The following CNTNAP5 variants were observed in gnomAD, a reference collection of about 807,000 sequenced individuals.
CNTNAP5 encodes the protein contactin associated protein family member 5, also known as contactin-associated protein-like 5.
In CNTNAP5, 72 loss-of-function variants were observed where a neutral mutation model predicts 150.2. That is an observed-to-expected ratio of 0.48 (90% CI 0.40 to 0.58). The LOEUF (loss-of-function observed/expected upper bound fraction) is 0.58, where lower values mean the gene tolerates loss of function less well. Ranked by LOEUF, CNTNAP5 falls within the 20% of genes least tolerant of loss-of-function variation. The pLI is 0.00. For missense variants in CNTNAP5, 1,636 were observed against 1,626.2 expected (o/e 1.01, Z -0.10); for synonymous variants, 672 against 619.8 (o/e 1.08, Z -1.25).
At chr2:124,499,506 C>A (rs938043221) in intron 7 of CNTNAP5, among the ~76,000 whole-genome samples, 1 of 152,144 alleles carries the variant, frequency 6.6e-6, no homozygotes, top group African/African-American at 2.4e-5. Context: ...GGAAGGAAGG[C>A]ACAACGTATG....
intron 7 of CNTNAP5, among the ~76,000 whole-genome samples, chr2:124,497,789 G>C (rs75205808): frequency 1.3e-5 from 2 of 152,308 alleles, no homozygotes; most frequent in Non-Finnish European, 2.9e-5. Flanking sequence ...ATACATTTCA[G>C]TCTATTCTTT....
intron 10 of CNTNAP5, among the ~76,000 whole-genome samples, chr2:124,529,897 T>A (rs1439150690): frequency 6.6e-6 from 1 of 152,162 alleles, no homozygotes; most frequent in Non-Finnish European, 1.5e-5. Context: ...TTTTTCTCTC[T>A]CAAAGTGAAG....
chr2:124,094,088 C>T (rs565653079), intron 1 of CNTNAP5, among the ~76,000 whole-genome samples: 44 of 152,194 alleles, frequency 2.9e-4, no homozygotes, highest in Non-Finnish European at 5.4e-4. Flanking sequence ...GCCTAATGAA[C>T]TGAAAGTGCT....
intron 7 of CNTNAP5, among the ~76,000 whole-genome samples, chr2:124,477,370 C>A (rs1693665929): frequency 6.6e-6 from 1 of 151,948 alleles, no homozygotes; most frequent in Non-Finnish European, 1.5e-5. Context: ...TTGAAAATTG[C>A]CATTGGATTC....
chr2:124,619,973 G>A (rs1573501592), intron 12 of CNTNAP5, among the ~76,000 whole-genome samples: 1 of 142,462 alleles, frequency 7.0e-6, no homozygotes, highest in African/African-American at 2.7e-5. Flanking sequence ...TATTCAGGTA[G>A]TTCTGTCTCT....
At chr2:124,538,351 G>A (rs924854459) in intron 10 of CNTNAP5, among the ~76,000 whole-genome samples, 2 of 152,088 alleles carry the variant, frequency 1.3e-5, no homozygotes, top group African/African-American at 2.4e-5. Flanking sequence ...GGTGGCGCAC[G>A]CCTATAATCC....
intron 4 of CNTNAP5, among the ~76,000 whole-genome samples, chr2:124,428,754 C>A (rs1275123318): frequency 6.6e-6 from 1 of 151,286 alleles, no homozygotes; most frequent in African/African-American, 2.4e-5. Flanking sequence ...AAGAACATTA[C>A]CTTAGGTAAT....
chr2:124,485,132 A>T (rs1693842155), intron 7 of CNTNAP5, among the ~76,000 whole-genome samples: 1 of 152,278 alleles, frequency 6.6e-6, no homozygotes, highest in African/African-American at 2.4e-5. Flanking sequence ...ATTATATAAA[A>T]GTGGCTTTCT....
At chr2:124,577,315 T>C (rs1696306392) in intron 11 of CNTNAP5, among the ~76,000 whole-genome samples, 1 of 152,214 alleles carries the variant, frequency 6.6e-6, no homozygotes, top group Non-Finnish European at 1.5e-5. Flanking sequence ...AATTAGCATG[T>C]AGTTTACTTA....
At chr2:124,685,452 T>G (rs149834795) in intron 13 of CNTNAP5, among the ~76,000 whole-genome samples, 4 of 151,924 alleles carry the variant, frequency 2.6e-5, no homozygotes, top group Admixed American at 6.6e-5. Flanking sequence ...TCCTTGTAGG[T>G]TATGCATCTG....
At chr2:124,546,984 T>G (rs10184343) in intron 10 of CNTNAP5, among the ~76,000 whole-genome samples, 2,437 of 152,264 alleles carry the variant, frequency 0.016, 65 homozygotes, top group African/African-American at 0.056. Flanking sequence ...GTTAACTTTA[T>G]TTTATATGTG....
At chr2:124,634,171 C>A (rs1442531384) in intron 12 of CNTNAP5, among the ~76,000 whole-genome samples, 13 of 152,178 alleles carry the variant, frequency 8.5e-5, no homozygotes, top group Admixed American at 8.5e-4. Context: ...TCTTTTCTAC[C>A]ACATGGCCAG....
At chr2:124,407,365 AT>A (rs1558886886) in intron 3 of CNTNAP5, among the ~76,000 whole-genome samples, 1 of 152,056 alleles carries the variant, frequency 6.6e-6, no homozygotes, top group Non-Finnish European at 1.5e-5. Context: ...TTTGAAAGCT[AT>A]TTTTTTGAGG....
At chr2:124,421,563 A>G (rs1692104242) in intron 4 of CNTNAP5, among the ~76,000 whole-genome samples, 1 of 152,140 alleles carries the variant, frequency 6.6e-6, no homozygotes, top group African/African-American at 2.4e-5. Flanking sequence ...TCTTACCTGG[A>G]GTTGTTAAGT....
At chr2:124,426,770 C>A (rs1692247802) in intron 4 of CNTNAP5, among the ~76,000 whole-genome samples, 1 of 152,192 alleles carries the variant, frequency 6.6e-6, no homozygotes, top group African/African-American at 2.4e-5. Flanking sequence ...CCAGCATATG[C>A]CTCCAGAACT....
chr2:124,317,686 G>A (rs1164191719), intron 3 of CNTNAP5, among the ~76,000 whole-genome samples: 5 of 152,210 alleles, frequency 3.3e-5, no homozygotes, highest in South Asian at 4.1e-4. Flanking sequence ...AATTATTAAA[G>A]TCTAAGAGCC....
chr2:124,911,408 A>G, intron 22 of CNTNAP5, 59 bp from the exon 23 acceptor site: 1 of 1,304,358 alleles, frequency 7.7e-7, no homozygotes, highest in Non-Finnish European at 1.1e-6. Flanking sequence ...GCCACACTGT[A>G]GGCTTCTTGC....
At chr2:124,825,077 T>C (rs1226124157) in intron 19 of CNTNAP5, among the ~76,000 whole-genome samples, 2 of 152,174 alleles carry the variant, frequency 1.3e-5, no homozygotes, top group African/African-American at 4.8e-5. Flanking sequence ...AAGAGGACAA[T>C]AGAAAAACCT....
intron 13 of CNTNAP5, among the ~76,000 whole-genome samples, chr2:124,691,946 G>A (rs1235143865): frequency 3.9e-5 from 6 of 152,046 alleles, no homozygotes; most frequent in South Asian, 4.1e-4. Flanking sequence ...CTTTGAACAC[G>A]TAGCTCTGGG....
Sources: allele counts gnomAD v4.1 joint callset (sites outside exome capture counted in the v4.1 genomes callset), GRCh38; gene constraint gnomAD v4.1.1; transcripts MANE v1.5; gene names NCBI Gene and HGNC (gene_info 2026-07-23, HGNC 2026-07-21).